SLC10A7: variants seen among roughly 807,000 people sequenced by gnomAD.
SLC10A7 encodes the protein sodium/bile acid cotransporter 7.
SLC10A7 carries 29 observed loss-of-function variants against 43.2 expected under a neutral mutation model. That is an observed-to-expected ratio of 0.67 (90% CI 0.50 to 0.92). The LOEUF (loss-of-function observed/expected upper bound fraction) is 0.92, where lower values mean the gene tolerates loss of function less well. Among genes scored for constraint, SLC10A7 ranks in the 40% least tolerant of loss-of-function variants. SLC10A7 has a pLI of 0.00. For synonymous variants in SLC10A7, 152 were observed against 144.8 expected (o/e 1.05, Z -0.35); for missense variants, 295 against 403.2 (o/e 0.73, Z 2.30).
chr4:146,517,537 T>C (rs1051005558), intron 1 of SLC10A7, among the ~76,000 whole-genome samples: 3 of 152,148 alleles, frequency 2.0e-5, no homozygotes, highest in African/African-American at 7.2e-5. Context: ...TAGATATCAG[T>C]GTCACCCCTG....
chr4:146,459,807 A>T (rs1270111751), intron 4 of SLC10A7, among the ~76,000 whole-genome samples: 1 of 151,868 alleles, frequency 6.6e-6, no homozygotes, highest in African/African-American at 2.4e-5. Flanking sequence ...TTGATATAAT[A>T]AATTTTAAAT....
chr4:146,369,567 T>A (rs1014223845), intron 5 of SLC10A7, among the ~76,000 whole-genome samples: 1 of 152,184 alleles, frequency 6.6e-6, no homozygotes, highest in Non-Finnish European at 1.5e-5. Context: ...AAATGATGAT[T>A]CAGTGAACTT....
intron 10 of SLC10A7, among the ~76,000 whole-genome samples, chr4:146,262,892 A>T (rs1451078526): frequency 2.6e-5 from 4 of 152,246 alleles, no homozygotes; most frequent in Admixed American, 1.3e-4. Context: ...GAAGTGTATC[A>T]CACAGGAGAG....
At chr4:146,381,308 T>G (rs1737603796) in intron 5 of SLC10A7, among the ~76,000 whole-genome samples, 1 of 152,166 alleles carries the variant, frequency 6.6e-6, no homozygotes, top group Non-Finnish European at 1.5e-5. Context: ...TGAAAGTTAA[T>G]TAGAGGAGCT....
At chr4:146,275,335 AGAAG>A (rs1729140029) in intron 10 of SLC10A7, among the ~76,000 whole-genome samples, 1 of 152,100 alleles carries the variant, frequency 6.6e-6, no homozygotes, top group African/African-American at 2.4e-5. Flanking sequence ...TAGTAGAGCT[AGAAG>A]AGCCCCAGAG....
intron 5 of SLC10A7, among the ~76,000 whole-genome samples, chr4:146,401,770 G>C (rs930360556): frequency 6.6e-6 from 1 of 152,080 alleles, no homozygotes; most frequent in Non-Finnish European, 1.5e-5. Flanking sequence ...ATATTAAATC[G>C]AGAAGAAATA....
chr4:146,320,021 AT>A (rs1732591005), intron 6 of SLC10A7, among the ~76,000 whole-genome samples: 3 of 152,080 alleles, frequency 2.0e-5, no homozygotes, highest in African/African-American at 7.2e-5. Context: ...TCATCAGCCA[AT>A]TTCCTTTTGG....
intron 4 of SLC10A7, among the ~76,000 whole-genome samples, chr4:146,444,884 G>A (rs1264658155): frequency 2.6e-5 from 4 of 152,176 alleles, no homozygotes; most frequent in Non-Finnish European, 4.4e-5. Flanking sequence ...AACAGCAACC[G>A]ATAATTAAGG....
chr4:146,514,611 A>G (rs1247265081), intron 2 of SLC10A7: 1 of 152,424 alleles, frequency 6.6e-6, no homozygotes, highest in African/African-American at 2.4e-5. Flanking sequence ...AGAAATGTTC[A>G]ATATAAATCA....
intron 5 of SLC10A7, among the ~76,000 whole-genome samples, chr4:146,334,514 G>A (rs371971513): frequency 1.2e-4 from 18 of 152,074 alleles, no homozygotes; most frequent in African/African-American, 4.3e-4. Flanking sequence ...TAAGAAGAAT[G>A]AAAGTGTGGT....
chr4:146,509,933 G>C lies in SLC10A7; in HGVS notation c.300C>G (p.Ile100Met). Residue 100 changes from isoleucine (I) to methionine (M), a missense_variant, in exon 3 of 12, where the codon ATC (isoleucine) becomes ATG (methionine). Ile to Met is a conservative substitution (Grantham distance 10). Around this residue, in one of 2 missense-constraint regions of SLC10A7, gnomAD observed 242 missense variants for 362.5 expected, o/e 0.67. Coordinates refer to ENST00000335472, the MANE Select transcript of SLC10A7 (RefSeq NM_001029998.6). ...LFLQLLSITP[I>M]NEWLLKGLQT... ...CATACCCTTTTAAAAGCCATTCGTT[G>C]ATGGGTGTGATTGATAAAAGCTGAA... The C allele has an allele frequency of 6.2e-7, 1 of 1,613,316 alleles. No individual in the cohort carries two copies. The highest frequency in any genetic ancestry group is 8.5e-7 in the Non-Finnish European group (1 of 1,179,778).
intron 6 of SLC10A7, among the ~76,000 whole-genome samples, chr4:146,320,064 G>T (rs1732595141): frequency 1.3e-5 from 2 of 152,058 alleles, no homozygotes; most frequent in Admixed American, 1.3e-4. Flanking sequence ...AGGCACTGGA[G>T]ATTTGAGAGG....
chr4:146,467,593 C>A (rs1409876315), intron 4 of SLC10A7, among the ~76,000 whole-genome samples: 2 of 109,164 alleles, frequency 1.8e-5, no homozygotes. Flanking sequence ...TGAGACAGAG[C>A]GCTCTGTTTC....
rs539479156 is a variant in SLC10A7 at position 146,438,823 on chromosome 4, A to T, written c.435+3960T>A. Among the ~76,000 whole-genome samples, 13 of 152,170 alleles carry T rather than the reference A, an allele frequency of 8.5e-5. 1 individual carries two copies. In the South Asian group the frequency reaches 2.7e-3, roughly 32 times the overall value. ...AATCTTTTGAAATTAAAGAAAAAAA[A>T]TTTCAATTAGAATTTTCCCAAAAGA... is the stretch of plus-strand genomic sequence containing the variant. On this transcript the variant is annotated intron_variant, in intron 5 of 11. Coordinates refer to ENST00000335472, the MANE Select transcript of SLC10A7 (RefSeq NM_001029998.6).
chr4:146,497,834 T>G (rs971744427), intron 4 of SLC10A7, among the ~76,000 whole-genome samples: 3 of 152,070 alleles, frequency 2.0e-5, no homozygotes, highest in Non-Finnish European at 4.4e-5. Context: ...ATAGTTATTG[T>G]AAGGCAGAAG....
chr4:146,457,710 C>T (rs1732184498), intron 4 of SLC10A7, among the ~76,000 whole-genome samples: 1 of 151,920 alleles, frequency 6.6e-6, no homozygotes, highest in African/African-American at 2.4e-5. Flanking sequence ...TTGTAGACAG[C>T]ATTATGTCCC....
At chr4:146,451,555 G>T (rs886702749) in intron 4 of SLC10A7, among the ~76,000 whole-genome samples, 1 of 152,082 alleles carries the variant, frequency 6.6e-6, no homozygotes, top group Non-Finnish European at 1.5e-5. Flanking sequence ...TTATCCTAGG[G>T]ATGCAAGGAT....
intron 4 of SLC10A7, among the ~76,000 whole-genome samples, chr4:146,475,613 C>A (rs961089532): frequency 1.3e-5 from 2 of 152,164 alleles, no homozygotes; most frequent in South Asian, 2.1e-4. Flanking sequence ...GCCTCTTGGA[C>A]AACTTAAGCG....
chr4:146,494,932 T>A (rs1239448602), intron 4 of SLC10A7, among the ~76,000 whole-genome samples: 1 of 152,174 alleles, frequency 6.6e-6, no homozygotes, highest in Non-Finnish European at 1.5e-5. Flanking sequence ...TTCACAAGTT[T>A]TATAGCAGCT....
Sources: allele counts gnomAD v4.1 joint callset (sites outside exome capture counted in the v4.1 genomes callset), GRCh38; gene constraint gnomAD v4.1.1; regional missense constraint gnomAD v4.1.1; transcripts MANE v1.5; gene names NCBI Gene and HGNC (gene_info 2026-07-23, HGNC 2026-07-21).